TRAPPC13: variants seen among roughly 807,000 people sequenced by gnomAD.
The protein encoded by TRAPPC13 is REV7-interacting novel NHEJ regulator 1.
In TRAPPC13, 39 loss-of-function variants were observed where a neutral mutation model predicts 54.0. That is an observed-to-expected ratio of 0.72 (90% confidence interval 0.56 to 0.94). The LOEUF (loss-of-function observed/expected upper bound fraction) is 0.94, where lower values mean the gene tolerates loss of function less well. Ranked by LOEUF, TRAPPC13 falls within the 40% of genes least tolerant of loss-of-function variation. TRAPPC13 has a pLI of 0.00. For missense variants in TRAPPC13, 386 were observed against 488.1 expected, an observed-to-expected ratio of 0.79 and a Z score of 1.97; for synonymous variants, 148 against 167.7, an observed-to-expected ratio of 0.88 and a Z score of 0.91.
chr5:65,644,919 G>A (rs935653102), intron 4 of TRAPPC13, among the ~76,000 whole-genome samples: 2 of 151,538 alleles, frequency 1.3e-5, no homozygotes, highest in African/African-American at 4.9e-5. Flanking sequence ...TTTTAGGGCT[G>A]GGCGCGGTGG....
At chr5:65,662,681 C>T (rs1457364712) in intron 11 of TRAPPC13, 10 of 152,168 alleles carry the variant, frequency 6.6e-5, no homozygotes, top group Non-Finnish European at 1.5e-4. Flanking sequence ...GTCCTATGCC[C>T]TCTGCTCCTA....
chr5:65,641,884 T>C (rs1334660409), intron 4 of TRAPPC13, among the ~76,000 whole-genome samples: 2 of 151,882 alleles, frequency 1.3e-5, no homozygotes, highest in Non-Finnish European at 2.9e-5. Context: ...TTTTTTTTTT[T>C]TCCTATGAAT....
chr5:65,640,681 A>T lies in TRAPPC13; in HGVS notation c.300+2901A>T, dbSNP rs570052319. Reference sequence around the variant, plus strand: ...TTCTTGGAATTCAGTAAATACTGGCAATTCAGTAAATTCAGTAAATATTGA... The same window carrying T: ...TTCTTGGAATTCAGTAAATACTGGCTATTCAGTAAATTCAGTAAATATTGA... On this transcript the variant is annotated intron_variant, in intron 4 of 12. Transcript: ENST00000399438. 2.0e-5 allele frequency among the ~76,000 whole-genome samples: 3 copies of T among 152,318 alleles called. No individual in the cohort carries two copies. The South Asian group carries it at 6.2e-4, about 32-fold the overall frequency.
intron 1 of TRAPPC13, 75 bp downstream of exon 1, chr5:65,625,181 G>A: frequency 2.4e-6 from 3 of 1,265,066 alleles, no homozygotes; most frequent in Non-Finnish European, 3.5e-6. Flanking sequence ...TTGCCATGTA[G>A]GCCTCATCCT....
intron 10 of TRAPPC13, 191 bp from the exon 11 acceptor site, chr5:65,661,859 A>T (rs37347): frequency 2.1e-6 from 1 of 485,710 alleles, no homozygotes; most frequent in Non-Finnish European, 3.6e-6. Flanking sequence ...CAGGTCTGCC[A>T]GGCTATTCCA....
intron 1 of TRAPPC13, among the ~76,000 whole-genome samples, chr5:65,634,738 A>C (rs1233807923): frequency 9.7e-6 from 1 of 102,956 alleles, no homozygotes; most frequent in African/African-American, 2.9e-5. Context: ...TAAAAATACA[A>C]AAAAAAAAAA....
intron 4 of TRAPPC13, among the ~76,000 whole-genome samples, chr5:65,645,415 A>G (rs748719043): frequency 2.0e-5 from 3 of 152,172 alleles, no homozygotes; most frequent in Admixed American, 6.5e-5. Flanking sequence ...GTGAGCTACT[A>G]TTGTTTTATA....
intron 4 of TRAPPC13, among the ~76,000 whole-genome samples, chr5:65,638,335 A>G (rs1331996250): frequency 6.6e-6 from 1 of 152,188 alleles, no homozygotes; most frequent in Non-Finnish European, 1.5e-5. Flanking sequence ...TCAAAGCTAA[A>G]TAGCAGTTTA....
intron 5 of TRAPPC13, among the ~76,000 whole-genome samples, chr5:65,650,535 G>A (rs1756389676): frequency 6.6e-6 from 1 of 151,904 alleles, no homozygotes; most frequent in Non-Finnish European, 1.5e-5. Context: ...TGATTATTCT[G>A]AGAATTATTT....
Position 65,634,227 on chromosome 5 carries a change from C to A in TRAPPC13, c.47-1074C>A, listed in dbSNP as rs568406088. Among the ~76,000 whole-genome samples, 321 of 152,160 alleles carry A rather than the reference C, an allele frequency of 2.1e-3. 1 individual carries two copies. Among genetic ancestry groups the A allele is most frequent in the African/African-American group, 7.5e-3 (312 of 41,518 alleles). On this transcript the variant is annotated intron_variant, in intron 1 of 12. Transcript: ENST00000399438. ...GTCTCAATCTCTTGACCTCGTGATCCGCCCGCCTTGGCCTCCCAAAGTGCT... is the reference window on the plus strand; with the variant it reads ...GTCTCAATCTCTTGACCTCGTGATCAGCCCGCCTTGGCCTCCCAAAGTGCT...
In TRAPPC13 at chr5:65,650,796, T is replaced by G. The variant is rs1474079078; in HGVS notation, c.429-14T>G. The G allele has an allele frequency of 5.0e-6, 8 of 1,608,360 alleles. No individual in the cohort carries two copies. In the South Asian group the frequency reaches 6.6e-5, roughly 13 times the overall value. On this transcript the variant is annotated splice_polypyrimidine_tract_variant and intron_variant, in intron 5 of 12. Coordinates refer to ENST00000399438, the MANE Select transcript of TRAPPC13 (RefSeq NM_024941.4). ...AAAATGACTCAGAATCGTTAAGACA[T>G]CTTTCTGTTTCAGCTTGGTATGTGC...
chr5:65,634,002 T>C (rs1036841257), intron 1 of TRAPPC13, among the ~76,000 whole-genome samples: 4 of 90,552 alleles, frequency 4.4e-5, no homozygotes, highest in Non-Finnish European at 9.3e-5. Context: ...TTTTTTTTTT[T>C]TGAGACGGAG....
In TRAPPC13 at chr5:65,654,797, C is replaced by A. The variant is rs189042457; in HGVS notation, c.547-839C>A. Among the ~76,000 whole-genome samples the A allele has an allele frequency of 2.5e-4, 38 of 152,272 alleles. No homozygotes were observed. In the East Asian group the frequency reaches 7.1e-3, roughly 29 times the overall value. ...TTCTAAGATAGAAAAGCCTTGCAGG[C>A]AGATTGGTGAGACTAGAAGCTAGGT... is the stretch of plus-strand genomic sequence containing the variant. On this transcript the variant is annotated intron_variant, in intron 7 of 12. Transcript: ENST00000399438.
intron 1 of TRAPPC13, 118 bp downstream of exon 1, chr5:65,625,224 G>A: frequency 1.1e-6 from 1 of 871,098 alleles, no homozygotes; most frequent in African/African-American, 1.7e-5. Context: ...CTCCTGCTCT[G>A]TCCTTTGCCG....
chr5:65,655,037 A>G, intron 7 of TRAPPC13, among the ~76,000 whole-genome samples: 1 of 152,208 alleles, frequency 6.6e-6, no homozygotes, highest in Non-Finnish European at 1.5e-5. Flanking sequence ...TGGAGGTGAC[A>G]TTTGAGATTG....
intron 1 of TRAPPC13, among the ~76,000 whole-genome samples, chr5:65,631,685 C>T (rs574095215): frequency 1.3e-5 from 2 of 152,184 alleles, no homozygotes; most frequent in South Asian, 4.1e-4. Context: ...ATCTACGTTG[C>T]TGCAAAGGCC....
chr5:65,654,412 CA>C (rs1442486858), intron 7 of TRAPPC13, among the ~76,000 whole-genome samples: 3 of 152,062 alleles, frequency 2.0e-5, no homozygotes, highest in African/African-American at 7.2e-5. Flanking sequence ...AAAATAATTT[CA>C]GTAATATTCT....
intron 1 of TRAPPC13, chr5:65,630,673 A>AT (rs751925540): frequency 2.0e-6 from 2 of 1,003,622 alleles, no homozygotes; most frequent in African/African-American, 3.5e-5. Flanking sequence ...CTCAAGTGTA[A>AT]TTTTTTAAAA....
intron 1 of TRAPPC13, chr5:65,630,184 T>C: frequency 6.5e-7 from 1 of 1,536,046 alleles, no homozygotes; most frequent in Admixed American, 2.0e-5. Context: ...AACTTCCATC[T>C]TGTAATGCTA....
Sources: gnomAD v4.1 joint callset for allele counts (sites outside exome capture counted in the v4.1 genomes callset) on GRCh38, gnomAD v4.1.1 for gene constraint, MANE v1.5 for transcripts, NCBI Gene and HGNC (gene_info 2026-07-23, HGNC 2026-07-21) for gene names.